Variants in TMEM108 observed in about 807,000 individuals in gnomAD.
The protein encoded by TMEM108 is transmembrane protein 108.
In TMEM108, 12 loss-of-function variants were observed where a neutral mutation model predicts 35.1. That is an observed-to-expected ratio of 0.34 (90% CI 0.22 to 0.55). The LOEUF is 0.55. Among genes scored for constraint, TMEM108 ranks in the 20% least tolerant of loss-of-function variants. The probability of loss-of-function intolerance (pLI) is 0.89; values close to 1 mark genes in which losing one functional copy is unlikely to be tolerated. For synonymous variants in TMEM108, 287 were observed against 308.6 expected (o/e 0.93, Z 0.73); for missense variants, 680 against 753.3 (o/e 0.90, Z 1.14).
chr3:133,146,289 C>G (rs574393330), intron 2 of TMEM108, among the ~76,000 whole-genome samples: 3 of 152,300 alleles, frequency 2.0e-5, no homozygotes, highest in African/African-American at 4.8e-5. Context: ...TATGTTGAAC[C>G]AGCCTTGCAT....
chr3:133,175,025 G>A (rs1259269455), intron 2 of TMEM108, among the ~76,000 whole-genome samples: 3 of 152,320 alleles, frequency 2.0e-5, no homozygotes, highest in East Asian at 1.9e-4. Flanking sequence ...ACTATGTGAC[G>A]AATGCACAAG....
intron 2 of TMEM108, among the ~76,000 whole-genome samples, chr3:133,156,236 CA>C (rs1559850234): frequency 1.3e-5 from 2 of 152,068 alleles, no homozygotes; most frequent in African/African-American, 4.8e-5. Flanking sequence ...TCAACTAAGA[CA>C]ACCTTACAAA....
At chr3:133,146,648 T>G (rs576942799) in intron 2 of TMEM108, among the ~76,000 whole-genome samples, 1 of 152,324 alleles carries the variant, frequency 6.6e-6, no homozygotes, top group South Asian at 2.1e-4. Context: ...TAGAACTTGT[T>G]ATTGGTCTAT....
At chr3:133,200,649 A>G (rs1945649115) in intron 2 of TMEM108, among the ~76,000 whole-genome samples, 1 of 152,092 alleles carries the variant, frequency 6.6e-6, no homozygotes, top group Admixed American at 6.5e-5. Flanking sequence ...TGCCCACCCA[A>G]TCTGCTCTTA....
chr3:133,192,908 C>CTGTGTGTGTG (rs113164836), intron 2 of TMEM108: 1 of 150,668 alleles, frequency 6.6e-6, no homozygotes, highest in African/African-American at 2.4e-5. Context: ...GAAGTTTACA[C>CTGTGTGTGTG]TGTGTGTGTG....
chr3:133,061,253 C>A (rs1051518236), intron 2 of TMEM108, among the ~76,000 whole-genome samples: 3 of 148,050 alleles, frequency 2.0e-5, no homozygotes, highest in Non-Finnish European at 4.5e-5. Context: ...ACTCTGTCGC[C>A]CAGGCTGGAG....
chr3:133,117,986 G>A (rs765534182), intron 2 of TMEM108, among the ~76,000 whole-genome samples: 10 of 152,100 alleles, frequency 6.6e-5, no homozygotes, highest in Admixed American at 2.6e-4. Context: ...CTATTATGAG[G>A]CCTTTTTGGG....
In TMEM108 at chr3:133,390,485, C is replaced by T. The variant is rs1008014230; in HGVS notation, c.1605+151C>T. 7.0e-6 allele frequency: 6 copies of T among 855,830 alleles called. No individual in the cohort carries two copies. In the Admixed American group the frequency reaches 1.5e-4, roughly 21 times the overall value. 53.0% of individuals were successfully genotyped at this position (855,830 alleles called of 1,614,324 possible). A position where few individuals can be genotyped will look rare whatever the true frequency, so the allele number is the denominator to read the frequency against. On this transcript the variant is annotated intron_variant, in intron 5 of 5. Transcript: ENST00000321871. ...ACACCCAAGAGGTTGTAGGCCCTAC[C>T]CTGGTCCTACTGAGCCAGGATCTGT...
At chr3:133,368,937 A>G (rs748475455) in intron 3 of TMEM108, among the ~76,000 whole-genome samples, 7 of 152,218 alleles carry the variant, frequency 4.6e-5, no homozygotes, top group Non-Finnish European at 8.8e-5. Flanking sequence ...GTTATCACCT[A>G]TTTAATGTGA....
intron 3 of TMEM108, among the ~76,000 whole-genome samples, chr3:133,353,718 T>G (rs1272546362): frequency 6.6e-6 from 1 of 152,190 alleles, no homozygotes; most frequent in Admixed American, 6.5e-5. Context: ...TGGGAGGAAG[T>G]AATCACTTCT....
At chr3:133,219,432 T>A (rs1008160987) in intron 2 of TMEM108, among the ~76,000 whole-genome samples, 1 of 148,278 alleles carries the variant, frequency 6.7e-6, no homozygotes, top group Non-Finnish European at 1.5e-5. Context: ...TGATGTATGA[T>A]GTTAGTTTAT....
intron 2 of TMEM108, among the ~76,000 whole-genome samples, chr3:133,203,707 T>C (rs1196587225): frequency 5.3e-5 from 8 of 152,188 alleles, no homozygotes; most frequent in African/African-American, 1.2e-4. Flanking sequence ...CAGTATTTTA[T>C]TGAGGATTTT....
At chr3:133,274,674 G>A (rs1210379664) in intron 3 of TMEM108, among the ~76,000 whole-genome samples, 1 of 152,210 alleles carries the variant, frequency 6.6e-6, no homozygotes, top group Admixed American at 6.5e-5. Context: ...TAGGAGAGCT[G>A]TAGTTACTGC....
At chr3:133,269,760 A>G (rs759074525) in intron 3 of TMEM108, among the ~76,000 whole-genome samples, 2 of 152,242 alleles carry the variant, frequency 1.3e-5, no homozygotes, top group Non-Finnish European at 2.9e-5. Context: ...TGAGACTGCC[A>G]GTAATTACAG....
intron 1 of TMEM108, among the ~76,000 whole-genome samples, chr3:133,042,382 G>T (rs34252542): frequency 0.045 from 6,831 of 152,280 alleles, 224 homozygotes; most frequent in Non-Finnish European, 0.072. Context: ...GTGCTAGGTA[G>T]TGGTAGGCCA....
At chr3:133,094,589 TC>T (rs1943989766) in intron 2 of TMEM108, among the ~76,000 whole-genome samples, 1 of 152,202 alleles carries the variant, frequency 6.6e-6, no homozygotes. Flanking sequence ...TTGTTCTCGC[TC>T]CCTCCATATC....
At chr3:133,201,557 T>A (rs964434768) in intron 2 of TMEM108, among the ~76,000 whole-genome samples, 2 of 152,086 alleles carry the variant, frequency 1.3e-5, no homozygotes, top group Non-Finnish European at 2.9e-5. Context: ...GGTGTTTGGT[T>A]TTCTCTTCCT....
intron 2 of TMEM108, among the ~76,000 whole-genome samples, chr3:133,192,210 A>T (rs545088801): frequency 6.6e-6 from 1 of 152,296 alleles, no homozygotes; most frequent in South Asian, 2.1e-4. Flanking sequence ...CAAGAGTTTC[A>T]GCTTGGGTTA....
intron 2 of TMEM108, among the ~76,000 whole-genome samples, chr3:133,133,712 A>G (rs1455239678): frequency 2.2e-5 from 3 of 136,898 alleles, no homozygotes; most frequent in African/African-American, 8.3e-5. Context: ...TTTTTTTTAG[A>G]CGGAGTCTCG....
Sources: allele counts gnomAD v4.1 joint callset (sites outside exome capture counted in the v4.1 genomes callset), GRCh38; gene constraint gnomAD v4.1.1; transcripts MANE v1.5; gene names NCBI Gene and HGNC (gene_info 2026-07-23, HGNC 2026-07-21).